Variants in CNTNAP2 observed in about 807,000 individuals in gnomAD.
CNTNAP2 encodes the protein contactin associated protein 2.
Under a neutral mutation model 155.2 loss-of-function variants are expected in CNTNAP2, and 98 were observed. The ratio of observed to expected loss-of-function variants is 0.63; its 90% CI spans 0.54 to 0.75. CNTNAP2 has a LOEUF of 0.75. Ranked by LOEUF, CNTNAP2 falls within the 30% of genes least tolerant of loss-of-function variation. CNTNAP2 has a pLI of 0.00. For synonymous variants in CNTNAP2, 651 were observed against 631.2 expected, an observed-to-expected ratio of 1.03 and a Z score of -0.47; for missense variants, 1,727 against 1,688.1, an observed-to-expected ratio of 1.02 and a Z score of -0.40.
chr7:146,720,798 C>A (rs118105129), intron 1 of CNTNAP2, among the ~76,000 whole-genome samples: 6,185 of 149,656 alleles, frequency 0.041, 195 homozygotes, highest in Non-Finnish European at 0.061. Context: ...TCATTAAATA[C>A]AGAATACAAA....
intron 21 of CNTNAP2, among the ~76,000 whole-genome samples, chr7:148,331,373 G>C (rs1327505791): frequency 1.6e-4 from 22 of 133,524 alleles, no homozygotes; most frequent in Admixed American, 1.6e-3. Flanking sequence ...TGGAGGGATG[G>C]AGTGGATGGA....
chr7:147,030,218 A>T (rs1799003323), intron 3 of CNTNAP2, among the ~76,000 whole-genome samples: 1 of 152,210 alleles, frequency 6.6e-6, no homozygotes, highest in Non-Finnish European at 1.5e-5. Context: ...GGAAAACTGT[A>T]ATGTATTTCC....
chr7:147,093,632 C>T (rs1800461972), intron 4 of CNTNAP2, among the ~76,000 whole-genome samples: 1 of 152,116 alleles, frequency 6.6e-6, no homozygotes, highest in African/African-American at 2.4e-5. Context: ...CCCAAAACCC[C>T]AAAATTCACA....
chr7:146,710,718 C>T (rs1801052059), intron 1 of CNTNAP2, among the ~76,000 whole-genome samples: 1 of 152,102 alleles, frequency 6.6e-6, no homozygotes, highest in African/African-American at 2.4e-5. Context: ...CAGGCAATGT[C>T]TCACAGAGTC....
At chr7:148,384,245 G>A (rs971207815) in intron 22 of CNTNAP2, among the ~76,000 whole-genome samples, 1 of 152,148 alleles carries the variant, frequency 6.6e-6, no homozygotes, top group Admixed American at 6.5e-5. Context: ...AACATAATCT[G>A]TGTTTTAATT....
intron 13 of CNTNAP2, among the ~76,000 whole-genome samples, chr7:147,828,496 TG>T (rs1798495162): frequency 6.6e-6 from 1 of 152,224 alleles, no homozygotes; most frequent in African/African-American, 2.4e-5. Flanking sequence ...ACATCTTTTT[TG>T]GAAGTGCCAC....
At chr7:147,395,561 G>A in intron 9 of CNTNAP2, 48 bp from the exon 10 acceptor site, 3 of 1,592,266 alleles carry the variant, frequency 1.9e-6, no homozygotes, top group Non-Finnish European at 2.6e-6. Flanking sequence ...TTTTAGTGAA[G>A]GTTATACTGT....
At chr7:147,615,086 T>G (rs1240176444) in intron 12 of CNTNAP2, among the ~76,000 whole-genome samples, 1 of 118,860 alleles carries the variant, frequency 8.4e-6, no homozygotes, top group African/African-American at 3.4e-5. Context: ...GACACCCATC[T>G]TTATCAAAAA....
intron 1 of CNTNAP2, among the ~76,000 whole-genome samples, chr7:146,773,319 G>A (rs932343654): frequency 1.3e-5 from 2 of 152,190 alleles, no homozygotes; most frequent in Non-Finnish European, 2.9e-5. Flanking sequence ...AGCATGATGG[G>A]AACTGATTAA....
intron 15 of CNTNAP2, among the ~76,000 whole-genome samples, chr7:148,060,193 T>C (rs544108395): frequency 6.6e-6 from 1 of 152,326 alleles, no homozygotes; most frequent in East Asian, 1.9e-4. Context: ...ACTTTTAAAG[T>C]CATCTAAATA....
At chr7:148,259,916 A>G (rs1796527274) in intron 20 of CNTNAP2, among the ~76,000 whole-genome samples, 1 of 152,188 alleles carries the variant, frequency 6.6e-6, no homozygotes, top group African/African-American at 2.4e-5. Context: ...CACAGTCTTT[A>G]ATTTTAATGA....
At chr7:147,080,372 G>A (rs184825998) in intron 4 of CNTNAP2, among the ~76,000 whole-genome samples, 2 of 151,992 alleles carry the variant, frequency 1.3e-5, no homozygotes, top group South Asian at 2.1e-4. Flanking sequence ...ACTCAACTTC[G>A]TATCCAGACC....
chr7:147,547,624 C>A (rs947667336), intron 11 of CNTNAP2, among the ~76,000 whole-genome samples: 18 of 117,520 alleles, frequency 1.5e-4, no homozygotes, highest in Non-Finnish European at 2.7e-4. Flanking sequence ...GTCTTTATTT[C>A]TTCTAAACAC....
intron 1 of CNTNAP2, among the ~76,000 whole-genome samples, chr7:146,336,543 A>G (rs1373295766): frequency 1.3e-5 from 2 of 152,126 alleles, no homozygotes; most frequent in African/African-American, 4.8e-5. Context: ...ATAAAGGAAA[A>G]AAAAAACAGA....
chr7:146,498,502 C>A (rs1379155556), intron 1 of CNTNAP2, among the ~76,000 whole-genome samples: 1 of 152,096 alleles, frequency 6.6e-6, no homozygotes, highest in Non-Finnish European at 1.5e-5. Context: ...ACTTAAAATT[C>A]TATAAGCTTT....
At chr7:146,126,825 C>T (rs1320460666) in intron 1 of CNTNAP2, among the ~76,000 whole-genome samples, 1 of 152,104 alleles carries the variant, frequency 6.6e-6, no homozygotes, top group Non-Finnish European at 1.5e-5. Context: ...AAAATATTTG[C>T]CAGTCCTAAT....
Position 147,446,119 on chromosome 7 carries a change from CTTTCT to C in CNTNAP2, c.1671-39812_1671-39808del, listed in dbSNP as rs1477285928. ...GGCAAGACACACTTGCTCTTTGTTT[CTTTCT>C]TTTTTTTTTTTTTTTTTAACCTGTG... On this transcript the variant is annotated intron_variant, in intron 10 of 23. Transcript: ENST00000361727. Among the ~76,000 whole-genome samples the C allele has an allele frequency of 1.0e-4, 14 of 136,378 alleles. No individual in the cohort carries two copies. The South Asian group carries it at 3.1e-3, about 31-fold the overall frequency. The allele number at this position is 136,378 out of a possible 152,430, so 89.5% of individuals were successfully genotyped here. A position where few individuals can be genotyped will look rare whatever the true frequency, so the allele number is the denominator to read the frequency against.
At chr7:146,813,521 A>C (rs1803108127) in intron 2 of CNTNAP2, among the ~76,000 whole-genome samples, 1 of 152,192 alleles carries the variant, frequency 6.6e-6, no homozygotes, top group East Asian at 1.9e-4. Flanking sequence ...GTATTTACCC[A>C]ATGCCTGTAC....
At chr7:148,354,188 T>A (rs1428661770) in intron 21 of CNTNAP2, among the ~76,000 whole-genome samples, 1 of 137,472 alleles carries the variant, frequency 7.3e-6, no homozygotes, top group Non-Finnish European at 1.6e-5. Flanking sequence ...ATTTTTTTTT[T>A]TTTTTTTTTT....
Sources: gnomAD v4.1 joint callset for allele counts (sites outside exome capture counted in the v4.1 genomes callset) on GRCh38, gnomAD v4.1.1 for gene constraint, MANE v1.5 for transcripts, NCBI Gene and HGNC (gene_info 2026-07-23, HGNC 2026-07-21) for gene names.